The following CACNA2D1 variants were observed in gnomAD, a reference collection of about 807,000 sequenced individuals.
CACNA2D1 encodes the protein calcium voltage-gated channel auxiliary subunit alpha2delta 1.
Under a neutral mutation model 171.5 loss-of-function variants are expected in CACNA2D1, and 53 were observed. The ratio of observed to expected loss-of-function variants is 0.31; its 90% CI spans 0.25 to 0.39. The LOEUF (loss-of-function observed/expected upper bound fraction) is 0.39, where lower values mean the gene tolerates loss of function less well. Ranked by LOEUF, CACNA2D1 falls within the 10% of genes least tolerant of loss-of-function variation. The probability of loss-of-function intolerance (pLI) is 1.00; values close to 1 mark genes in which losing one functional copy is unlikely to be tolerated. For synonymous variants in CACNA2D1, 442 were observed against 443.1 expected, an observed-to-expected ratio of 1.00 and a Z score of 0.03; for missense variants, 903 against 1,299.8, an observed-to-expected ratio of 0.69 and a Z score of 4.69.
At chr7:82,089,416 T>C (rs1360412924) in intron 6 of CACNA2D1, among the ~76,000 whole-genome samples, 3 of 152,162 alleles carry the variant, frequency 2.0e-5, no homozygotes, top group Admixed American at 1.3e-4. Flanking sequence ...TTTGTAAAAA[T>C]TAAGTCTTTT....
At chr7:82,349,721 T>C in intron 1 of CACNA2D1, 72 bp from the exon 2 acceptor site, 1 of 1,135,156 alleles carries the variant, frequency 8.8e-7, no homozygotes, top group Non-Finnish European at 1.3e-6. Context: ...ATATTTTATA[T>C]CCACGCTACA....
chr7:82,078,228 C>T (rs1049236487), intron 7 of CACNA2D1, among the ~76,000 whole-genome samples: 3 of 151,956 alleles, frequency 2.0e-5, no homozygotes, highest in Non-Finnish European at 1.5e-5. Flanking sequence ...ATTAAGTAAA[C>T]GTCATACGGA....
At chr7:81,995,010 G>A in intron 19 of CACNA2D1, 71 bp from the exon 20 acceptor site, 4 of 780,588 alleles carry the variant, frequency 5.1e-6, no homozygotes, top group Admixed American at 1.8e-5. Flanking sequence ...CTATTAACAT[G>A]GTAGTTTTTC....
chr7:82,061,836 G>C (rs1052582294), intron 9 of CACNA2D1, among the ~76,000 whole-genome samples: 2 of 152,132 alleles, frequency 1.3e-5, no homozygotes, highest in Non-Finnish European at 2.9e-5. Flanking sequence ...CTCTTGTGCT[G>C]AGCCCACTTT....
At chr7:81,980,090 G>A (rs1012150084) in intron 24 of CACNA2D1, among the ~76,000 whole-genome samples, 3 of 84,426 alleles carry the variant, frequency 3.6e-5, no homozygotes, top group African/African-American at 1.0e-4. Context: ...CGGAGGGAGC[G>A]GGATGCATAT....
At chr7:82,217,862 T>G (rs1801324371) in intron 3 of CACNA2D1, among the ~76,000 whole-genome samples, 1 of 151,550 alleles carries the variant, frequency 6.6e-6, no homozygotes. Context: ...TACTGAAATT[T>G]TTTTTTTTTA....
rs3086957 is a variant in CACNA2D1, at chr7:82,245,676, A to ACACACACACACACACT, written c.295-75068_295-75067insAGTGTGTGTGTGTGTG. On this transcript the variant is annotated intron_variant, in intron 3 of 38. Transcript: ENST00000356860. ...CTCTCTCTCTCTCACACACACACAC[A>ACACACACACACACACT]CACACACACACAGAATTTAGAAAAC... Among the ~76,000 whole-genome samples the ACACACACACACACACT allele has an allele frequency of 5.5e-3, 810 of 145,962 alleles. 9 individuals carry two copies. The highest frequency in any genetic ancestry group is 0.039 in the South Asian group (178 of 4,570).
intron 6 of CACNA2D1, among the ~76,000 whole-genome samples, chr7:82,112,748 G>A (rs893152397): frequency 2.0e-5 from 3 of 152,148 alleles, no homozygotes; most frequent in African/African-American, 7.2e-5. Context: ...GGACCTTGTT[G>A]GAACAGATTA....
intron 1 of CACNA2D1, among the ~76,000 whole-genome samples, chr7:82,368,063 A>G (rs1176667887): frequency 6.6e-6 from 1 of 152,168 alleles, no homozygotes; most frequent in African/African-American, 2.4e-5. Flanking sequence ...AATCAAGAGT[A>G]ATGATCTCTG....
chr7:82,431,753 C>G (rs558770449), intron 1 of CACNA2D1, among the ~76,000 whole-genome samples: 32 of 151,220 alleles, frequency 2.1e-4, no homozygotes, highest in Non-Finnish European at 3.5e-4. Context: ...GATTAAAAAA[C>G]ATGAGGCCAG....
intron 3 of CACNA2D1, among the ~76,000 whole-genome samples, chr7:82,329,601 A>C (rs1280652932): frequency 6.6e-6 from 1 of 152,156 alleles, no homozygotes; most frequent in Non-Finnish European, 1.5e-5. Flanking sequence ...ACACTTGCAG[A>C]TATTTCAGCC....
Position 82,108,643 on chromosome 7 carries a change from T to C in CACNA2D1, c.526+8401A>G, listed in dbSNP as rs548088867. On this transcript the variant is annotated intron_variant, in intron 6 of 38. Transcript: ENST00000356860. ...CTATCTATATGATAAGAATACTGTA[T>C]CTTTGGCATTTGGGTTGATAAGTAG... Among the ~76,000 whole-genome samples, 4 of 152,314 alleles carry C rather than the reference T, an allele frequency of 2.6e-5. No homozygotes were observed. The South Asian group carries it at 8.3e-4, about 32-fold the overall frequency.
intron 3 of CACNA2D1, among the ~76,000 whole-genome samples, chr7:82,263,059 T>A (rs1394087145): frequency 6.6e-6 from 1 of 151,844 alleles, no homozygotes; most frequent in Admixed American, 6.6e-5. Context: ...TTCCTGGGTC[T>A]TTGAGGCTTC....
rs1320900093 is a variant in CACNA2D1 at position 81,969,959 on chromosome 7, G to A, written c.2230C>T (p.Pro744Ser). The A allele has an allele frequency of 6.2e-7, 1 of 1,607,842 alleles. No homozygotes were observed. The highest frequency in any genetic ancestry group is 1.7e-5 in the Admixed American group (1 of 59,666). Reference sequence around the variant, plus strand: ...TAGAAGCTGTCCTCATATGTCTCTGGGTTTTCTTGCCAATTTTCTCCAGCC... The same window carrying A: ...TAGAAGCTGTCCTCATATGTCTCTGAGTTTTCTTGCCAATTTTCTCCAGCC... Reference protein sequence around the residue: ...KEAGENWQENPETYEDSFYKR... With the variant: ...KEAGENWQENSETYEDSFYKR... The change falls in exon 28 of 39, where the codon CCA (proline) becomes TCA (serine). Residue 744 changes from proline to serine, a missense_variant. Pro to Ser is a moderately conservative substitution (Grantham distance 74). This residue lies in a region of CACNA2D1 where 623 missense variants were observed against 925.5 expected (regional missense o/e 0.67). Transcript: ENST00000356860.
At chr7:82,136,154 C>T (rs898567262) in intron 5 of CACNA2D1, among the ~76,000 whole-genome samples, 3 of 152,138 alleles carry the variant, frequency 2.0e-5, no homozygotes, top group Non-Finnish European at 4.4e-5. Flanking sequence ...TATGGAGCAA[C>T]TACTTTGTTT....
chr7:82,316,135 A>G (rs1274026063), intron 3 of CACNA2D1, among the ~76,000 whole-genome samples: 2 of 152,112 alleles, frequency 1.3e-5, no homozygotes, highest in Non-Finnish European at 2.9e-5. Context: ...AATCACTAAG[A>G]ATTCCTAAAA....
At chr7:82,356,152 T>C (rs2129446657) in intron 1 of CACNA2D1, among the ~76,000 whole-genome samples, 1 of 152,262 alleles carries the variant, frequency 6.6e-6, no homozygotes, top group East Asian at 1.9e-4. Context: ...GTATTTAATA[T>C]GCATTCTCTC....
intron 1 of CACNA2D1, among the ~76,000 whole-genome samples, chr7:82,391,698 TAAAGGGGACTGG>T (rs1825144460): frequency 6.6e-6 from 1 of 152,168 alleles, no homozygotes; most frequent in African/African-American, 2.4e-5. Flanking sequence ...TGACGGAATT[TAAAGGGGACTGG>T]AAAGGGGATT....
chr7:82,141,313 T>C (rs1272571932), intron 4 of CACNA2D1, among the ~76,000 whole-genome samples: 1 of 152,154 alleles, frequency 6.6e-6, no homozygotes, highest in Admixed American at 6.5e-5. Context: ...CTGATGCTTT[T>C]ATAGATATGA....
Sources: gnomAD v4.1 joint callset for allele counts (sites outside exome capture counted in the v4.1 genomes callset) on GRCh38, gnomAD v4.1.1 for gene constraint, gnomAD v4.1.1 regional missense constraint, MANE v1.5 for transcripts, NCBI Gene and HGNC (gene_info 2026-07-23, HGNC 2026-07-21) for gene names.